Variants in SFMBT2 observed in about 807,000 individuals in gnomAD.
SFMBT2 encodes Scm like with four mbt domains 2.
Under a neutral mutation model 110.1 loss-of-function variants are expected in SFMBT2, and 38 were observed. The ratio of observed to expected loss-of-function variants is 0.35; its 90% CI spans 0.27 to 0.45. The LOEUF (loss-of-function observed/expected upper bound fraction) is 0.45, where lower values mean the gene tolerates loss of function less well. Among genes scored for constraint, SFMBT2 ranks in the 20% least tolerant of loss-of-function variants. The pLI is 1.00. For missense variants in SFMBT2, 1,011 were observed against 1,094.9 expected, an observed-to-expected ratio of 0.92 and a Z score of 1.08; for synonymous variants, 425 against 425.4, an observed-to-expected ratio of 1.00 and a Z score of 0.01.
At chr10:7,196,724 G>A (rs551604357) in intron 15 of SFMBT2, among the ~76,000 whole-genome samples, 9 of 152,314 alleles carry the variant, frequency 5.9e-5, no homozygotes, top group South Asian at 2.1e-4. Flanking sequence ...ATCATGGTAC[G>A]GTGGCAATAG....
In SFMBT2 at chr10:7,408,104, T is replaced by TTG. The variant is rs57461997; in HGVS notation, c.-52+2755_-52+2756dup. On this transcript the variant is annotated intron_variant, in intron 1 of 20. Transcript: ENST00000397167. This position sits in a 1 kb window ranked among gnomAD's most constrained non-coding sequence, Gnocchi z 5.7. The stretch of plus-strand genomic sequence containing the variant: ...GCGGGTTTCGGGGCCTTGGAGCAAA[T>TTG]TGCGCTTGTCAGCGGCGACGTCAGG... Among the ~76,000 whole-genome samples the TTG allele has an allele frequency of 0.019, 2,835 of 152,356 alleles. 42 individuals are homozygous for TTG. Among genetic ancestry groups the TTG allele is most frequent in the Non-Finnish European group, 0.027 (1,828 of 68,042 alleles).
At chr10:7,176,828 A>T (rs1588768063) in intron 16 of SFMBT2, among the ~76,000 whole-genome samples, 1 of 152,014 alleles carries the variant, frequency 6.6e-6, no homozygotes, top group African/African-American at 2.4e-5. Context: ...CCGAGTGAAG[A>T]CCCCCAGCCT....
intron 1 of SFMBT2, among the ~76,000 whole-genome samples, chr10:7,395,219 GGAGGCTGCAGT>G (rs1002499080): frequency 6.6e-6 from 1 of 152,110 alleles, no homozygotes; most frequent in African/African-American, 2.4e-5. Context: ...CTCAGGAGGT[GGAGGCTGCAGT>G]GAGCAGCCAC....
intron 4 of SFMBT2, chr10:7,287,332 G>A (rs1842126449): frequency 1.5e-5 from 3 of 198,572 alleles, no homozygotes; most frequent in Non-Finnish European, 2.7e-5. Flanking sequence ...ACCCGCCTCG[G>A]CCTCCCAAAG....
intron 1 of SFMBT2, among the ~76,000 whole-genome samples, chr10:7,404,641 A>C (rs999716022): frequency 6.6e-6 from 1 of 152,248 alleles, no homozygotes; most frequent in African/African-American, 2.4e-5. Flanking sequence ...GGAATGAAAC[A>C]GAAAAACGCA....
At position 7,371,920 on chromosome 10, in the gene SFMBT2, A is replaced by ATTTTTTT. The variant is rs762872004; in HGVS notation, c.101-1552_101-1546dup. 7.5e-4 allele frequency among the ~76,000 whole-genome samples: 58 copies of ATTTTTTT among 77,710 alleles called. 1 individual carries two copies. The highest frequency in any genetic ancestry group is 0.012 in the Middle Eastern group (1 of 86). 51.0% of individuals were successfully genotyped at this position (77,710 alleles called of 152,430 possible). A position where few individuals can be genotyped will look rare whatever the true frequency, so the allele number is the denominator to read the frequency against. On this transcript the variant is annotated intron_variant, in intron 2 of 20. Transcript: ENST00000397167. The stretch of plus-strand genomic sequence containing the variant: ...TATCACTACTTTTTGTCCACCTGTA[A>ATTTTTTT]TTTTTTTTTTTTTTTTTTTTTTTTG...
rs1239285754 is a variant in SFMBT2, at chr10:7,278,889, C to T, written c.773-1900G>A. On this transcript the variant is annotated intron_variant, in intron 6 of 20. Coordinates refer to ENST00000397167, the MANE Select transcript of SFMBT2 (RefSeq NM_001387889.1). The stretch of plus-strand genomic sequence containing the variant: ...GGTCAGGAGTTCAAGACCAGCCAGG[C>T]CAACATGGTGAAACCTCACTTCTAA... 2.6e-5 allele frequency among the ~76,000 whole-genome samples: 4 copies of T among 151,754 alleles called. No individual in the cohort carries two copies. The East Asian group carries it at 7.7e-4, about 29-fold the overall frequency.
chr10:7,197,054 T>C (rs1325611735), intron 15 of SFMBT2, among the ~76,000 whole-genome samples: 1 of 151,766 alleles, frequency 6.6e-6, no homozygotes, highest in Non-Finnish European at 1.5e-5. Flanking sequence ...TACTTACCAT[T>C]ACCTCCCGTG....
rs577382858 is a variant in SFMBT2, at chr10:7,256,090, A to G, written c.871-7441T>C. ...CTGCATTGTCATTTTCTGCTGACAC[A>G]GACTGTGGGGTGGAATCCCTCTTGT... is the stretch of plus-strand genomic sequence containing the variant. On this transcript the variant is annotated intron_variant, in intron 7 of 20. Transcript: ENST00000397167. Among the ~76,000 whole-genome samples, 8 of 152,310 alleles carry G rather than the reference A, an allele frequency of 5.3e-5. No individual in the cohort carries two copies. The East Asian group carries it at 1.5e-3, about 29-fold the overall frequency.
Position 7,306,367 on chromosome 10 carries a change from A to G in SFMBT2, c.437-20413T>C, listed in dbSNP as rs528797086. Among the ~76,000 whole-genome samples, 27 of 152,376 alleles carry G rather than the reference A, an allele frequency of 1.8e-4. No individual in the cohort carries two copies. In the Middle Eastern group the frequency reaches 0.014, roughly 77 times the overall value. On this transcript the variant is annotated intron_variant, in intron 4 of 20. Coordinates refer to ENST00000397167, the MANE Select transcript of SFMBT2 (RefSeq NM_001387889.1). The stretch of plus-strand genomic sequence containing the variant: ...ATATTTCATGACATATGAAAATTAT[A>G]TGAAATTCAAATTTTTGTGTCCGTA...
intron 16 of SFMBT2, among the ~76,000 whole-genome samples, chr10:7,176,854 C>G (rs1301913125): frequency 6.6e-6 from 1 of 152,000 alleles, no homozygotes; most frequent in Admixed American, 6.6e-5. Flanking sequence ...ACACTGGCAG[C>G]AAGTGGCTTC....
chr10:7,275,097 G>T (rs563383824), intron 7 of SFMBT2, among the ~76,000 whole-genome samples: 2 of 152,284 alleles, frequency 1.3e-5, no homozygotes, highest in East Asian at 3.9e-4. Flanking sequence ...GGCAGGACCC[G>T]CACAGCTGTG....
chr10:7,334,839 C>T (rs1843669172), intron 4 of SFMBT2, among the ~76,000 whole-genome samples: 1 of 152,198 alleles, frequency 6.6e-6, no homozygotes, highest in South Asian at 2.1e-4. Flanking sequence ...TGCACTGCAT[C>T]AGAGACAAGC....
chr10:7,183,167 G>A (rs1372745196), intron 16 of SFMBT2, among the ~76,000 whole-genome samples: 1 of 152,176 alleles, frequency 6.6e-6, no homozygotes, highest in Non-Finnish European at 1.5e-5. Context: ...TGGAACTAAG[G>A]AATAGCAAAG....
At position 7,362,129 on chromosome 10, in the gene SFMBT2, C is replaced by T. The variant is rs142505208; in HGVS notation, c.436+5520G>A. On this transcript the variant is annotated intron_variant, in intron 4 of 20. Coordinates refer to ENST00000397167, the MANE Select transcript of SFMBT2 (RefSeq NM_001387889.1). ...TCCACTAATAAGAGCCATAATCCTC[C>T]GCGGCACTGGGTGACGCTTTAATGT... Among the ~76,000 whole-genome samples, 944 of 152,280 alleles carry T rather than the reference C, an allele frequency of 6.2e-3. 11 individuals carry two copies. The highest frequency in any genetic ancestry group is 0.021 in the African/African-American group (875 of 41,530).
intron 9 of SFMBT2, among the ~76,000 whole-genome samples, chr10:7,239,277 A>C (rs1306987953): frequency 6.6e-6 from 1 of 152,250 alleles, no homozygotes; most frequent in South Asian, 2.1e-4. Flanking sequence ...GGAAACATAC[A>C]CATGTGGAAA....
In SFMBT2 at chr10:7,410,412, G is replaced by A. The variant is rs572133396; in HGVS notation, c.-52+449C>T. Reference sequence around the variant, plus strand: ...GGAGGAGACGCGGGAGCGCGGGGTAGGTAGCAGCGGCGGCTGCGTCGCTAA... The same window carrying A: ...GGAGGAGACGCGGGAGCGCGGGGTAAGTAGCAGCGGCGGCTGCGTCGCTAA... On this transcript the variant is annotated intron_variant, in intron 1 of 20. Coordinates refer to ENST00000397167, the MANE Select transcript of SFMBT2 (RefSeq NM_001387889.1). 4.9e-3 allele frequency among the ~76,000 whole-genome samples: 743 copies of A among 152,358 alleles called. 4 individuals carry two copies. The highest frequency in any genetic ancestry group is 0.027 in the South Asian group (130 of 4,832).
At chr10:7,273,636 A>AT (rs2131816515) in intron 7 of SFMBT2, among the ~76,000 whole-genome samples, 1 of 152,222 alleles carries the variant, frequency 6.6e-6, no homozygotes, top group East Asian at 1.9e-4. Context: ...CCCACGACAG[A>AT]CCCCAGTGTG....
At position 7,172,462 on chromosome 10, in the gene SFMBT2, T is replaced by C. The variant is rs2131531451; in HGVS notation, c.2151+33A>G. 1 of 1,612,646 alleles carries C rather than the reference T, an allele frequency of 6.2e-7. No individual in the cohort carries two copies. The highest frequency in any genetic ancestry group is 8.5e-7 in the Non-Finnish European group (1 of 1,179,962). ...GCCGGCCAGGGCCAGATGACAGAGC[T>C]ACAGGCTGGCAGGTGCCCCGGGCAG... On this transcript the variant is annotated intron_variant, in intron 18 of 20. Transcript: ENST00000397167. The surrounding 1 kb of genome is among the most constrained non-coding windows in gnomAD (Gnocchi z 4.6).
Sources: gnomAD v4.1 joint callset for allele counts (sites outside exome capture counted in the v4.1 genomes callset) on GRCh38, gnomAD v4.1.1 for gene constraint, Gnocchi (gnomAD v3.1) non-coding constraint, MANE v1.5 for transcripts, NCBI Gene and HGNC (gene_info 2026-07-23, HGNC 2026-07-21) for gene names.